Variants in SHC1 observed in about 807,000 individuals in gnomAD.
SHC1 encodes the protein SHC-transforming protein 1.
Under a neutral mutation model 55.9 loss-of-function variants are expected in SHC1, and 30 were observed. The observed-to-expected ratio is 0.54, with a 90% CI of 0.40 to 0.73. SHC1 has a LOEUF of 0.73. Ranked by LOEUF, SHC1 falls within the 30% of genes least tolerant of loss-of-function variation. The pLI is 0.00. For synonymous variants in SHC1, 309 were observed against 306.1 expected, an observed-to-expected ratio of 1.01 and a Z score of -0.10; for missense variants, 675 against 777.1, an observed-to-expected ratio of 0.87 and a Z score of 1.56.
At chr1:154,965,887 G>A (rs1213118248) in intron 10 of SHC1, 59 bp downstream of exon 10, 20 of 1,581,066 alleles carry the variant, frequency 1.3e-5, no homozygotes, top group Admixed American at 3.4e-5. Flanking sequence ...ATAGGCAGGA[G>A]AAGGGCCAGA....
At chr1:154,971,674 C>G (rs1038208893), upstream of SHC1, among the ~76,000 whole-genome samples, 1 of 152,150 alleles carries the variant, frequency 6.6e-6, no homozygotes, top group Non-Finnish European at 1.5e-5. Flanking sequence ...ATCCTTCACA[C>G]CAGGGAAGGA....
At chr1:154,967,881 C>A (rs568958767) in intron 6 of SHC1, 84 bp from the exon 7 acceptor site, 23 of 1,600,244 alleles carry the variant, frequency 1.4e-5, no homozygotes, top group Non-Finnish European at 1.7e-5. Flanking sequence ...TCTGCAGGAA[C>A]CCCCACTGAG....
chr1:154,970,915 C>T (rs1656679856), upstream of SHC1, among the ~76,000 whole-genome samples: 1 of 152,140 alleles, frequency 6.6e-6, no homozygotes, highest in African/African-American at 2.4e-5. This position sits in a 1 kb window ranked among gnomAD's most constrained non-coding sequence, Gnocchi z 5.5. Context: ...GCTATCCAAG[C>T]CCCTCTCCCC....
intron 7 of SHC1, 72 bp downstream of exon 7, chr1:154,967,599 A>G: frequency 6.5e-7 from 1 of 1,529,754 alleles, no homozygotes; most frequent in Non-Finnish European, 8.9e-7. Context: ...TCTCAACTCA[A>G]GTGTAGGAAG....
At position 154,968,249 on chromosome 1, in the gene SHC1, G is replaced by T. The variant is rs755443582; in HGVS notation, c.759C>A (p.Ala253=). 6.2e-7 allele frequency: 1 copy of T among 1,614,158 alleles called. No individual in the cohort carries two copies. The highest frequency in any genetic ancestry group is 1.1e-5 in the South Asian group (1 of 91,078). The change falls in exon 5 of 12, where the codon GCC becomes GCA. Residue 253 remains alanine (A), a synonymous_variant. Coordinates refer to ENST00000448116, the MANE Select transcript of SHC1 (RefSeq NM_001130040.2). The part of the protein sequence containing the change: ...LMAADCKQII[A]NHHMQSISFA... ...ATGAGATAGATTGCATGTGGTGGTTGGCGATGATCTGAGAATTAGGGCAGG... is the reference window on the plus strand; with the variant it reads ...ATGAGATAGATTGCATGTGGTGGTTTGCGATGATCTGAGAATTAGGGCAGG...
intron 11 of SHC1, 117 bp from the exon 12 acceptor site, chr1:154,964,048 G>T (rs762749546): frequency 2.8e-6 from 3 of 1,065,104 alleles, no homozygotes; most frequent in South Asian, 2.5e-5. Flanking sequence ...AAAAAATGGT[G>T]GGGGAGAGTG....
chr1:154,968,676 G>A (rs1208968917), intron 3 of SHC1, 62 bp from the exon 4 acceptor site: 17 of 1,611,588 alleles, frequency 1.1e-5, no homozygotes, highest in Non-Finnish European at 1.4e-5. Flanking sequence ...CCACACTTTT[G>A]CCTCCTGGCC....
chr1:154,969,709 C>A (rs375882685), intron 1 of SHC1, among the ~76,000 whole-genome samples: 3 of 151,338 alleles, frequency 2.0e-5, no homozygotes, highest in African/African-American at 7.3e-5. Flanking sequence ...GATGGAGTGA[C>A]AACTCCAGAA....
At chr1:154,969,044 T>C (rs907527823) in intron 2 of SHC1, among the ~76,000 whole-genome samples, 5 of 152,072 alleles carry the variant, frequency 3.3e-5, no homozygotes, top group South Asian at 2.1e-4. Context: ...TCAATGGGTA[T>C]AGCCCCACCC....
Position 154,963,659 on chromosome 1 carries a change from T to C in SHC1, c.*144A>G. ...TTTGACTCAAACCCTCTCACTCAGC[T>C]GGATATGAAACCCAGAGTCCATGCT... On this transcript the variant is annotated 3_prime_UTR_variant, in exon 12 of 12. Transcript: ENST00000448116. 1 of 763,762 alleles carries C rather than the reference T, an allele frequency of 1.3e-6. No homozygotes were observed. The highest frequency in any genetic ancestry group is 2.1e-6 in the Non-Finnish European group (1 of 473,210). The allele number at this position is 763,762 out of a possible 1,614,324, so 47.3% of individuals were successfully genotyped here.
In SHC1 at chr1:154,970,669, G is replaced by A. The variant is rs369637511; in HGVS notation, c.-143C>T. Reference sequence around the variant, plus strand: ...TCACAGAAGTCCTGGGGAGGGAGAGGGACAAGTGGCTTCCGCTCCCCAGCT... The same window carrying A: ...TCACAGAAGTCCTGGGGAGGGAGAGAGACAAGTGGCTTCCGCTCCCCAGCT... On this transcript the variant is annotated 5_prime_UTR_variant, in exon 1 of 12. Coordinates refer to ENST00000448116, the MANE Select transcript of SHC1 (RefSeq NM_001130040.2). The surrounding 1 kb of genome is among the most constrained non-coding windows in gnomAD (Gnocchi z 5.5). The A allele has an allele frequency of 1.5e-4, 90 of 585,256 alleles. No individual in the cohort carries two copies. In the East Asian group the frequency reaches 1.9e-3, roughly 12 times the overall value. The allele number at this position is 585,256 out of a possible 1,614,324, so 36.3% of individuals were successfully genotyped here. A position where few individuals can be genotyped will look rare whatever the true frequency, so the allele number is the denominator to read the frequency against.
chr1:154,968,455 C>T (rs1656291499), intron 4 of SHC1, 40 bp downstream of exon 4: 6 of 1,613,250 alleles, frequency 3.7e-6, no homozygotes, highest in East Asian at 2.2e-5. Context: ...CCTTAGCACC[C>T]CCATCAGTGT....
intron 11 of SHC1, chr1:154,964,381 A>G (rs928583849): frequency 2.4e-6 from 1 of 410,520 alleles, no homozygotes; most frequent in Non-Finnish European, 4.9e-6. Flanking sequence ...ACCAAAAAAA[A>G]AATACAAAAA....
At chr1:154,965,845 T>C in intron 10 of SHC1, 64 bp from the exon 11 acceptor site, 1 of 1,576,216 alleles carries the variant, frequency 6.3e-7, no homozygotes, top group East Asian at 2.3e-5. Context: ...GACCCAGACT[T>C]CAGGGAAGGG....
At chr1:154,967,820 C>T (rs754827534) in intron 6 of SHC1, 23 bp from the exon 7 acceptor site, 1 of 1,612,894 alleles carries the variant, frequency 6.2e-7, no homozygotes, top group Non-Finnish European at 8.5e-7. Flanking sequence ...CAGAGGCTGT[C>T]AGTGAGCTGA....
chr1:154,968,054 T>C (rs564372673), intron 5 of SHC1, 23 bp from the exon 6 acceptor site: 1 of 1,613,818 alleles, frequency 6.2e-7, no homozygotes. Flanking sequence ...GTCAAAAAAT[T>C]TTACAGTTCT....
chr1:154,969,248 T>C, intron 2 of SHC1, 130 bp downstream of exon 2: 1 of 684,346 alleles, frequency 1.5e-6, no homozygotes, highest in Non-Finnish European at 2.6e-6. Context: ...TACCTCAGCT[T>C]TCTCTCAATC....
upstream of SHC1, chr1:154,970,754 G>A (rs1014103822): frequency 4.3e-6 from 2 of 467,868 alleles, no homozygotes; most frequent in African/African-American, 2.0e-5. The surrounding 1 kb of genome is among the most constrained non-coding windows in gnomAD (Gnocchi z 5.5). Flanking sequence ...CTCTGGCTGA[G>A]AAGAGAACAG....
chr1:154,969,335 C>T (rs1278709429), intron 2 of SHC1, 43 bp downstream of exon 2: 3 of 1,389,770 alleles, frequency 2.2e-6, no homozygotes, highest in Non-Finnish European at 3.0e-6. Flanking sequence ...CCCATGGCCT[C>T]ACTAATCCCA....
Sources: gnomAD v4.1 joint callset for allele counts (sites outside exome capture counted in the v4.1 genomes callset) on GRCh38, gnomAD v4.1.1 for gene constraint, Gnocchi (gnomAD v3.1) non-coding constraint, MANE v1.5 for transcripts, NCBI Gene and HGNC (gene_info 2026-07-23, HGNC 2026-07-21) for gene names.